The following SIK3 variants were observed in gnomAD, a reference collection of about 807,000 sequenced individuals.
The protein encoded by SIK3 is SIK family kinase 3, also known as serine/threonine-protein kinase SIK3.
A neutral mutation model predicts 144.2 loss-of-function variants in SIK3; 28 were observed. The ratio of observed to expected loss-of-function variants is 0.19; its 90% CI spans 0.14 to 0.27. The LOEUF is 0.27. SIK3 is among the 10% of genes least tolerant of loss of function. The probability of loss-of-function intolerance (pLI) is 1.00; values close to 1 mark genes in which losing one functional copy is unlikely to be tolerated. For missense variants in SIK3, 1,319 were observed against 1,776.0 expected (o/e 0.74, Z 4.62); for synonymous variants, 686 against 676.3 (o/e 1.01, Z -0.22).
At chr11:116,859,069 T>C (rs990564165) in intron 20 of SIK3, among the ~76,000 whole-genome samples, 196 bp downstream of exon 20, 25 of 152,182 alleles carry the variant, frequency 1.6e-4, no homozygotes, top group Admixed American at 6.5e-5. Flanking sequence ...TCAGTCTCAT[T>C]AGAATTTTAA....
At position 116,875,901 on chromosome 11, in the gene SIK3, G is replaced by C; in HGVS notation, c.1204C>G (p.Arg402Gly). 2 of 1,610,312 alleles carry C rather than the reference G, an allele frequency of 1.2e-6. No homozygotes were observed. The highest frequency in any genetic ancestry group is 8.5e-7 in the Non-Finnish European group (1 of 1,178,996). ...LRLGALPSMP[R>G]ALAFQAPVNI... ...ACTGGTGCTTGAAAGGCCAGGGCTC[G>C]GGGCATGCTAGGAAGTGCTCCGAGA... Residue 402 changes from arginine to glycine, a missense_variant, in exon 9 of 25, where the codon CGA (arginine) becomes GGA (glycine). By Grantham distance (125) the Arg-to-Gly change is moderately radical (BLOSUM62 -2). Around this residue, in one of 8 missense-constraint regions of SIK3, gnomAD observed 109 missense variants for 109.3 expected, o/e 1.00. Coordinates refer to ENST00000445177, the MANE Select transcript of SIK3 (RefSeq NM_001366686.3).
intron 3 of SIK3, among the ~76,000 whole-genome samples, chr11:116,947,554 T>TGTAC (rs1416825411): frequency 8.9e-5 from 6 of 67,670 alleles, no homozygotes; most frequent in Non-Finnish European, 2.3e-4. Context: ...TATGTATGTA[T>TGTAC]GTATGTATGT....
At chr11:117,056,578 TATAGATATAGATATAG>T (rs1953542655) in intron 1 of SIK3, among the ~76,000 whole-genome samples, 1 of 118,024 alleles carries the variant, frequency 8.5e-6, no homozygotes, top group Non-Finnish European at 1.7e-5. Context: ...TAGATATAGA[TATAGATATAGATATAG>T]ATATAAAGTC....
chr11:116,924,309 GA>G (rs1947160611), intron 4 of SIK3, among the ~76,000 whole-genome samples: 2 of 147,912 alleles, frequency 1.4e-5, no homozygotes, highest in African/African-American at 5.0e-5. Context: ...AAAAAAAAAA[GA>G]AAAAAAAGAA....
chr11:116,977,451 A>G (rs1238601722), intron 1 of SIK3, among the ~76,000 whole-genome samples: 2 of 152,124 alleles, frequency 1.3e-5, no homozygotes, highest in African/African-American at 4.8e-5. Context: ...TCGCCTCCCA[A>G]AAATCTCTGC....
At chr11:117,084,492 C>A (rs1954923028) in intron 1 of SIK3, among the ~76,000 whole-genome samples, 8 of 152,156 alleles carry the variant, frequency 5.3e-5, no homozygotes, top group Admixed American at 5.2e-4. Flanking sequence ...TCTGGAACTC[C>A]TGACCTCAGG....
At chr11:116,880,325 A>G (rs1035032518) in intron 6 of SIK3, among the ~76,000 whole-genome samples, 3 of 152,042 alleles carry the variant, frequency 2.0e-5, no homozygotes, top group Admixed American at 6.5e-5. Context: ...AAATCTGCAC[A>G]AGAATTTATA....
chr11:117,045,060 T>C (rs544963648), intron 1 of SIK3, among the ~76,000 whole-genome samples: 1 of 152,216 alleles, frequency 6.6e-6, no homozygotes, highest in African/African-American at 2.4e-5. Context: ...TAGATGATAT[T>C]TGCAGATGTT....
chr11:116,962,460 T>A lies in SIK3; in HGVS notation c.274-5396A>T, dbSNP rs184819571. 6.2e-4 allele frequency among the ~76,000 whole-genome samples: 95 copies of A among 152,310 alleles called. 1 individual carries two copies. The East Asian group carries it at 6.4e-3, about 10-fold the overall frequency. On this transcript the variant is annotated intron_variant, in intron 1 of 24. Coordinates refer to ENST00000445177, the MANE Select transcript of SIK3 (RefSeq NM_001366686.3). The stretch of plus-strand genomic sequence containing the variant: ...CAGTTTGAAGAAAAGCTTATTTTTT[T>A]AAAAAATTTGTTTTAAGGAAAGAGC...
chr11:117,056,060 T>C (rs1017474582), intron 1 of SIK3, among the ~76,000 whole-genome samples: 3 of 152,198 alleles, frequency 2.0e-5, no homozygotes, highest in Non-Finnish European at 4.4e-5. Flanking sequence ...GTTTGGAGGA[T>C]GTGCTACAGG....
chr11:117,004,945 G>A (rs925839026), intron 1 of SIK3, among the ~76,000 whole-genome samples: 7 of 152,060 alleles, frequency 4.6e-5, no homozygotes, highest in Non-Finnish European at 7.4e-5. Flanking sequence ...AATCTAGTAC[G>A]GCTACCTCAA....
intron 1 of SIK3, among the ~76,000 whole-genome samples, chr11:117,005,336 GAAAAAAAAAAA>G (rs35279676): frequency 1.8e-4 from 10 of 55,966 alleles, no homozygotes; most frequent in South Asian, 1.0e-3. Context: ...CCCCGTCTCA[GAAAAAAAAAAA>G]AAAAAAAAAA....
intron 3 of SIK3, among the ~76,000 whole-genome samples, chr11:116,947,994 G>C (rs1488672946): frequency 6.6e-6 from 1 of 150,818 alleles, no homozygotes; most frequent in Non-Finnish European, 1.5e-5. Context: ...GAGTGCAGTG[G>C]TGCAATCATA....
chr11:116,995,913 G>T (rs1455266364), intron 1 of SIK3, among the ~76,000 whole-genome samples: 1 of 152,078 alleles, frequency 6.6e-6, no homozygotes, highest in Admixed American at 6.6e-5. Flanking sequence ...TACTTAGAAG[G>T]CTGAGATGGG....
chr11:117,011,599 G>A (rs1328633604), intron 1 of SIK3, among the ~76,000 whole-genome samples: 1 of 152,142 alleles, frequency 6.6e-6, no homozygotes. Flanking sequence ...TATCAGCCAT[G>A]TGTTAGTACT....
chr11:117,098,177 A>G lies in SIK3; in HGVS notation c.239T>C (p.Val80Ala). ...GGTGACGAGGTGCGTGGCCCGCTTGACCACCGCGAAGTTGCCCTTGCCGAT... is the reference window on the plus strand; with the variant it reads ...GGTGACGAGGTGCGTGGCCCGCTTGGCCACCGCGAAGTTGCCCTTGCCGAT... ...RTIGKGNFAV[V>A]KRATHLVTKA... The change falls in exon 1 of 25, where the codon GTC (valine) becomes GCC (alanine). Residue 80 changes from valine to alanine, a missense_variant. Physicochemically the swap from Val to Ala is moderately conservative, Grantham distance 64. Coordinates refer to ENST00000445177, the MANE Select transcript of SIK3 (RefSeq NM_001366686.3). 6.6e-7 allele frequency: 1 copy of G among 1,515,224 alleles called. No homozygotes were observed. Among genetic ancestry groups the G allele is most frequent in the East Asian group, 2.8e-5 (1 of 35,436 alleles). The allele number at this position is 1,515,224 out of a possible 1,614,324, so 93.9% of individuals were successfully genotyped here. A position where few individuals can be genotyped will look rare whatever the true frequency, so the allele number is the denominator to read the frequency against.
intron 3 of SIK3, among the ~76,000 whole-genome samples, chr11:116,943,449 G>T (rs1013025588): frequency 6.6e-6 from 1 of 152,052 alleles, no homozygotes; most frequent in Non-Finnish European, 1.5e-5. Context: ...AGGTAAAAAG[G>T]GACAATATTC....
At chr11:116,911,673 G>A (rs1035145015) in intron 4 of SIK3, among the ~76,000 whole-genome samples, 2 of 152,012 alleles carry the variant, frequency 1.3e-5, no homozygotes, top group African/African-American at 4.8e-5. Context: ...TATTTAAAAC[G>A]GTTTTGTTGC....
chr11:116,996,927 T>C (rs1449834920), intron 1 of SIK3, among the ~76,000 whole-genome samples: 2 of 151,476 alleles, frequency 1.3e-5, no homozygotes, highest in Non-Finnish European at 2.9e-5. Context: ...AAGTTGTTAA[T>C]GAAAAGTATT....
Sources: allele counts gnomAD v4.1 joint callset (sites outside exome capture counted in the v4.1 genomes callset), GRCh38; gene constraint gnomAD v4.1.1; regional missense constraint gnomAD v4.1.1; transcripts MANE v1.5; gene names NCBI Gene and HGNC (gene_info 2026-07-23, HGNC 2026-07-21).